DLG2: variants seen among roughly 807,000 people sequenced by gnomAD.
DLG2 encodes the protein discs large MAGUK scaffold protein 2.
In DLG2, 45 loss-of-function variants were observed where a neutral mutation model predicts 132.5. The ratio of observed to expected loss-of-function variants is 0.34; its 90% CI spans 0.27 to 0.44. The LOEUF (loss-of-function observed/expected upper bound fraction) is 0.44, where lower values mean the gene tolerates loss of function less well. DLG2 is among the 20% of genes least tolerant of loss of function. DLG2 has a pLI of 1.00. For missense variants in DLG2, 1,045 were observed against 1,196.9 expected, an observed-to-expected ratio of 0.87 and a Z score of 1.87; for synonymous variants, 424 against 419.6, an observed-to-expected ratio of 1.01 and a Z score of -0.13.
intron 4 of DLG2, among the ~76,000 whole-genome samples, chr11:85,282,490 T>C (rs747582110): frequency 2.1e-5 from 3 of 140,314 alleles, no homozygotes; most frequent in Non-Finnish European, 4.7e-5. Flanking sequence ...ATAACTATTA[T>C]GTATCCATAA....
At chr11:84,857,254 T>C (rs2082919048) in intron 6 of DLG2, among the ~76,000 whole-genome samples, 1 of 151,844 alleles carries the variant, frequency 6.6e-6, no homozygotes, top group Non-Finnish European at 1.5e-5. Flanking sequence ...CTTTTTTAAA[T>C]GGGCAGGTCC....
intron 6 of DLG2, among the ~76,000 whole-genome samples, chr11:84,886,460 C>T (rs1211953549): frequency 6.6e-6 from 1 of 152,054 alleles, no homozygotes; most frequent in Non-Finnish European, 1.5e-5. Flanking sequence ...ATTCCACATC[C>T]TGTGCCTGCC....
At chr11:84,468,164 ATAC>A (rs2099099466) in intron 7 of DLG2, among the ~76,000 whole-genome samples, 2 of 151,586 alleles carry the variant, frequency 1.3e-5, no homozygotes, top group Non-Finnish European at 3.0e-5. Flanking sequence ...TTCATCTTTC[ATAC>A]TACATTTTAT....
At chr11:85,215,173 A>G (rs1595448131) in intron 4 of DLG2, among the ~76,000 whole-genome samples, 1 of 151,882 alleles carries the variant, frequency 6.6e-6, no homozygotes, top group Non-Finnish European at 1.5e-5. Flanking sequence ...CTGCTAAAAC[A>G]TGTGTGTATT....
chr11:83,862,660 C>T (rs2061641077), intron 16 of DLG2, among the ~76,000 whole-genome samples: 1 of 151,614 alleles, frequency 6.6e-6, no homozygotes, highest in African/African-American at 2.4e-5. Flanking sequence ...TACTCCCCCA[C>T]TCCAAAAAAA....
chr11:84,218,796 T>A (rs1020228533), intron 8 of DLG2, among the ~76,000 whole-genome samples: 2 of 152,210 alleles, frequency 1.3e-5, no homozygotes, highest in Non-Finnish European at 2.9e-5. Context: ...TTGGCATTAC[T>A]GACATTTAGT....
At chr11:84,597,839 T>C (rs144605396) in intron 6 of DLG2, among the ~76,000 whole-genome samples, 336 of 152,272 alleles carry the variant, frequency 2.2e-3, no homozygotes, top group Middle Eastern at 6.8e-3. Flanking sequence ...TTCTTGCCAT[T>C]TGAAACCATA....
chr11:85,075,046 G>C (rs1041537385), intron 6 of DLG2, among the ~76,000 whole-genome samples: 3 of 151,800 alleles, frequency 2.0e-5, no homozygotes, highest in Admixed American at 6.6e-5. Flanking sequence ...GGCAATAAAT[G>C]CATGAGGATG....
chr11:85,000,069 T>C (rs1048942050), intron 6 of DLG2, among the ~76,000 whole-genome samples: 4 of 152,140 alleles, frequency 2.6e-5, no homozygotes, highest in African/African-American at 9.7e-5. Flanking sequence ...AACATACCCG[T>C]GCATTCCTTT....
At chr11:84,992,757 T>C (rs1296752222) in intron 6 of DLG2, among the ~76,000 whole-genome samples, 5 of 152,218 alleles carry the variant, frequency 3.3e-5, no homozygotes, top group Admixed American at 3.3e-4. Context: ...TTTCTTTTTG[T>C]AGATTTAAGT....
chr11:84,082,845 G>T (rs10792716), intron 10 of DLG2, among the ~76,000 whole-genome samples: 113,209 of 152,062 alleles, frequency 0.74, 43,895 homozygotes, highest in Middle Eastern at 0.89. Context: ...TGTCTGCTGT[G>T]GGTGAGAGAC....
intron 6 of DLG2, among the ~76,000 whole-genome samples, chr11:85,040,656 C>T (rs2061784838): frequency 6.6e-6 from 1 of 151,950 alleles, no homozygotes. Flanking sequence ...AATCTTGTAA[C>T]TGATAAATGT....
chr11:84,891,331 T>C (rs987338279), intron 6 of DLG2, among the ~76,000 whole-genome samples: 1 of 152,192 alleles, frequency 6.6e-6, no homozygotes, highest in Non-Finnish European at 1.5e-5. Flanking sequence ...GGAATATTAG[T>C]ATTTTTAAAT....
intron 4 of DLG2, among the ~76,000 whole-genome samples, chr11:85,271,728 C>G: frequency 6.6e-6 from 1 of 152,234 alleles, no homozygotes; most frequent in East Asian, 1.9e-4. Flanking sequence ...GGCTTTCAGA[C>G]TTGCATGGGG....
At chr11:84,518,846 T>C (rs1338831205) in intron 7 of DLG2, among the ~76,000 whole-genome samples, 1 of 152,140 alleles carries the variant, frequency 6.6e-6, no homozygotes, top group Non-Finnish European at 1.5e-5. Flanking sequence ...AAATCAAAGC[T>C]ATGAAATACA....
intron 3 of DLG2, among the ~76,000 whole-genome samples, chr11:85,314,454 T>C (rs936384413): frequency 6.6e-6 from 1 of 151,858 alleles, no homozygotes; most frequent in South Asian, 2.1e-4. Flanking sequence ...TATATACTCA[T>C]ATACAAACAT....
intron 4 of DLG2, among the ~76,000 whole-genome samples, chr11:85,209,351 G>A (rs987985320): frequency 6.7e-6 from 1 of 149,898 alleles, no homozygotes; most frequent in Non-Finnish European, 1.5e-5. Flanking sequence ...GCTGGTACAA[G>A]AAGGCATCAA....
At chr11:85,203,807 G>T (rs968080098) in intron 4 of DLG2, among the ~76,000 whole-genome samples, 5 of 151,892 alleles carry the variant, frequency 3.3e-5, no homozygotes, top group African/African-American at 1.2e-4. Flanking sequence ...CTAGCAAACT[G>T]GATACCACAC....
intron 6 of DLG2, among the ~76,000 whole-genome samples, chr11:84,897,338 G>A (rs1235215): frequency 0.16 from 24,421 of 151,662 alleles, 2,802 homozygotes; most frequent in East Asian, 0.54. Context: ...ATACATTTAT[G>A]TTGTTTCTAG....
Sources: gnomAD v4.1 joint callset for allele counts (sites outside exome capture counted in the v4.1 genomes callset) on GRCh38, gnomAD v4.1.1 for gene constraint, MANE v1.5 for transcripts, NCBI Gene and HGNC (gene_info 2026-07-23, HGNC 2026-07-21) for gene names.